Variants in ADGRL2 observed in about 807,000 individuals in gnomAD.
ADGRL2 encodes the protein calcium-independent alpha-latrotoxin receptor 2.
In ADGRL2, 44 loss-of-function variants were observed where a neutral mutation model predicts 157.4. That is an observed-to-expected ratio of 0.28 (90% CI 0.22 to 0.36). The LOEUF (loss-of-function observed/expected upper bound fraction) is 0.36, where lower values mean the gene tolerates loss of function less well. ADGRL2 is among the 10% of genes least tolerant of loss of function. The pLI is 1.00. For synonymous variants in ADGRL2, 585 were observed against 624.7 expected (o/e 0.94, Z 0.95); for missense variants, 1,510 against 1,768.9 (o/e 0.85, Z 2.63).
intron 3 of ADGRL2, among the ~76,000 whole-genome samples, chr1:81,606,580 A>G (rs2081436770): frequency 1.3e-5 from 2 of 152,058 alleles, no homozygotes; most frequent in African/African-American, 2.4e-5. Context: ...TGGTTAAACT[A>G]TTTATACCAG....
rs1241785670 is a variant in ADGRL2, at chr1:81,783,646, G to A, written c.-101+21794G>A. Among the ~76,000 whole-genome samples, 3 of 152,132 alleles carry A rather than the reference G, an allele frequency of 2.0e-5. No homozygotes were observed. In the East Asian group the frequency reaches 5.8e-4, roughly 29 times the overall value. ...ATTAGAAATACAAACAATAATACTA[G>A]CATATGTACGATGATAGGACTTTTA... On this transcript the variant is annotated intron_variant, in intron 2 of 20. Coordinates refer to the ADGRL2 transcript ENST00000359929.
chr1:81,969,492 A>G (rs1162445744), intron 15 of ADGRL2, 105 bp downstream of exon 15: 1 of 712,756 alleles, frequency 1.4e-6, no homozygotes, highest in African/African-American at 1.8e-5. Context: ...GTAACTTGAT[A>G]GAATTGATAC....
chr1:81,352,092 G>T (rs575308897), intron 1 of ADGRL2, among the ~76,000 whole-genome samples: 1 of 152,350 alleles, frequency 6.6e-6, no homozygotes, highest in Admixed American at 6.5e-5. Context: ...TCACCGCAAA[G>T]ATCTGCACTA....
intron 2 of ADGRL2, among the ~76,000 whole-genome samples, chr1:81,445,887 A>G (rs1570987572): frequency 6.6e-6 from 1 of 152,276 alleles, no homozygotes; most frequent in African/African-American, 2.4e-5. Flanking sequence ...TGCTTAAAAT[A>G]TTGCCTGGCA....
At chr1:81,803,556 C>T (rs955028558) in intron 1 of ADGRL2, among the ~76,000 whole-genome samples, 3 of 152,072 alleles carry the variant, frequency 2.0e-5, no homozygotes, top group Non-Finnish European at 1.5e-5. Context: ...TTTTCTCCCT[C>T]TCCCCGCCCT....
chr1:81,700,044 T>C (rs961184765), intron 1 of ADGRL2, among the ~76,000 whole-genome samples: 1 of 152,212 alleles, frequency 6.6e-6, no homozygotes, highest in African/African-American at 2.4e-5. Context: ...ATGAGGAAGA[T>C]GGTGAGCTGT....
At chr1:81,901,426 G>A (rs2151632547) in intron 2 of ADGRL2, among the ~76,000 whole-genome samples, 1 of 152,246 alleles carries the variant, frequency 6.6e-6, no homozygotes, top group South Asian at 2.1e-4. Flanking sequence ...ATTACAGATA[G>A]TGTAGCTTCA....
chr1:81,840,144 G>A (rs554713210), intron 2 of ADGRL2, among the ~76,000 whole-genome samples: 18 of 151,816 alleles, frequency 1.2e-4, no homozygotes, highest in Admixed American at 6.6e-4. Flanking sequence ...GAGAACATTC[G>A]ACTTGAGGTC....
intron 2 of ADGRL2, among the ~76,000 whole-genome samples, chr1:81,556,454 A>G (rs1358509887): frequency 1.3e-5 from 2 of 151,192 alleles, no homozygotes; most frequent in Non-Finnish European, 2.9e-5. Context: ...CTGGGATTAC[A>G]GGCGTGAGCC....
At chr1:81,801,546 T>A (rs1360323505) in intron 1 of ADGRL2, among the ~76,000 whole-genome samples, 8 of 152,314 alleles carry the variant, frequency 5.3e-5, no homozygotes, top group Admixed American at 1.3e-4. Context: ...CGCTGCTGTG[T>A]GTGGCGTGGC....
chr1:81,411,559 A>T (rs1193107776), intron 1 of ADGRL2, among the ~76,000 whole-genome samples: 1 of 152,204 alleles, frequency 6.6e-6, no homozygotes, highest in East Asian at 1.9e-4. Flanking sequence ...ATCTGAGTGA[A>T]TTTCTAGAGG....
chr1:81,311,181 C>G (rs537343028), intron 1 of ADGRL2, among the ~76,000 whole-genome samples: 4 of 152,240 alleles, frequency 2.6e-5, no homozygotes, highest in Admixed American at 6.5e-5. Flanking sequence ...TTAGATAAGA[C>G]GTACATTTTG....
At chr1:81,660,784 T>A (rs2082634029) in intron 3 of ADGRL2, among the ~76,000 whole-genome samples, 1 of 152,184 alleles carries the variant, frequency 6.6e-6, no homozygotes, top group African/African-American at 2.4e-5. Context: ...GTGATCAACA[T>A]TAATGAATTT....
chr1:81,687,460 C>T (rs2083251690), intron 3 of ADGRL2, among the ~76,000 whole-genome samples: 1 of 152,130 alleles, frequency 6.6e-6, no homozygotes, highest in Non-Finnish European at 1.5e-5. Flanking sequence ...AGAATAGCTA[C>T]CCCTGCTCAC....
chr1:81,542,837 C>T (rs142847015), intron 2 of ADGRL2, among the ~76,000 whole-genome samples: 88 of 152,248 alleles, frequency 5.8e-4, no homozygotes, highest in African/African-American at 2.1e-3. Flanking sequence ...AGTTATTTCT[C>T]AGCAAATAAT....
chr1:81,763,863 G>A (rs994418827), intron 2 of ADGRL2, among the ~76,000 whole-genome samples: 59 of 151,630 alleles, frequency 3.9e-4, no homozygotes, highest in Admixed American at 5.3e-4. Context: ...AAAATTAGCT[G>A]GGCGTGGTGG....
At chr1:81,316,128 A>C (rs1660089915) in intron 1 of ADGRL2, among the ~76,000 whole-genome samples, 1 of 135,102 alleles carries the variant, frequency 7.4e-6, no homozygotes, top group African/African-American at 3.1e-5. Flanking sequence ...CTACCAAAAA[A>C]ACAAAAAAAA....
intron 3 of ADGRL2, among the ~76,000 whole-genome samples, chr1:81,670,179 A>T (rs965580509): frequency 6.6e-6 from 1 of 152,142 alleles, no homozygotes; most frequent in Non-Finnish European, 1.5e-5. Flanking sequence ...TCTTTCAAAA[A>T]ATTTACAAAA....
intron 1 of ADGRL2, among the ~76,000 whole-genome samples, chr1:81,318,286 A>C (rs1335160441): frequency 6.6e-6 from 1 of 152,208 alleles, no homozygotes; most frequent in African/African-American, 2.4e-5. Flanking sequence ...ATTACATTTT[A>C]CATCAATTGT....
Sources: gnomAD v4.1 joint callset for allele counts (sites outside exome capture counted in the v4.1 genomes callset) on GRCh38, gnomAD v4.1.1 for gene constraint, MANE v1.5 for transcripts, NCBI Gene and HGNC (gene_info 2026-07-23, HGNC 2026-07-21) for gene names.